Variants in RAB38 observed in about 807,000 individuals in gnomAD.
The protein encoded by RAB38 is RAB38, member RAS oncogene family.
A neutral mutation model predicts 18.4 loss-of-function variants in RAB38; 15 were observed. The observed-to-expected ratio is 0.82, with a 90% CI of 0.55 to 1.26. The LOEUF (loss-of-function observed/expected upper bound fraction) is 1.26. Among genes scored for constraint, RAB38 ranks in the 50% most tolerant of loss-of-function variants. RAB38 has a pLI of 0.00. For synonymous variants in RAB38, 101 were observed against 104.4 expected, an observed-to-expected ratio of 0.97 and a Z score of 0.20; for missense variants, 294 against 267.4, an observed-to-expected ratio of 1.10 and a Z score of -0.69.
the RAB38 span, among the ~76,000 whole-genome samples, chr11:87,826,137 A>G: frequency 0.97 from 146,888 of 152,098 alleles, 70,944 homozygotes; most frequent in East Asian, 1. Context: ...TTAGAAATAT[A>G]AAGGTATATA....
the RAB38 span, among the ~76,000 whole-genome samples, chr11:88,096,931 T>C: frequency 6.7e-6 from 1 of 148,934 alleles, no homozygotes; most frequent in East Asian, 1.9e-4. Context: ...TTCATATCTG[T>C]TTTATTTTGT....
At chr11:87,891,884 CT>C in the RAB38 span, among the ~76,000 whole-genome samples, 1 of 151,752 alleles carries the variant, frequency 6.6e-6, no homozygotes. Flanking sequence ...TTTAGTTTCT[CT>C]TTTGTTTTTT....
intron 2 of RAB38, among the ~76,000 whole-genome samples, chr11:88,146,662 G>A (rs1942990491): frequency 6.6e-6 from 1 of 152,188 alleles, no homozygotes; most frequent in Non-Finnish European, 1.5e-5. Context: ...TGACACTCCA[G>A]TTTGTCAGTG....
At chr11:87,838,176 A>G in the RAB38 span, among the ~76,000 whole-genome samples, 1 of 151,328 alleles carries the variant, frequency 6.6e-6, no homozygotes, top group Non-Finnish European at 1.5e-5. Context: ...GTGCAGTGGC[A>G]TGATCTCGGC....
At chr11:88,019,956 T>G in the RAB38 span, among the ~76,000 whole-genome samples, 4 of 152,168 alleles carry the variant, frequency 2.6e-5, no homozygotes, top group African/African-American at 9.7e-5. Context: ...TTCTCTCTAA[T>G]TCAGCACTGT....
At chr11:88,049,039 C>A in the RAB38 span, among the ~76,000 whole-genome samples, 1 of 152,108 alleles carries the variant, frequency 6.6e-6, no homozygotes, top group African/African-American at 2.4e-5. Flanking sequence ...CAATATCACC[C>A]CTTACCACAA....
At chr11:88,021,747 A>G in the RAB38 span, among the ~76,000 whole-genome samples, 1 of 148,926 alleles carries the variant, frequency 6.7e-6, no homozygotes, top group Non-Finnish European at 1.5e-5. Context: ...ACGCTCAACT[A>G]ATTTTTGTAT....
the RAB38 span, among the ~76,000 whole-genome samples, chr11:88,044,532 C>G: frequency 1.3e-5 from 2 of 152,096 alleles, no homozygotes; most frequent in African/African-American, 4.8e-5. Context: ...GCTGCTTGAC[C>G]CCAATACAAA....
the RAB38 span, among the ~76,000 whole-genome samples, chr11:87,864,304 T>C: frequency 6.6e-6 from 1 of 150,394 alleles, no homozygotes; most frequent in Non-Finnish European, 1.5e-5. Flanking sequence ...TACTATGCTG[T>C]ACTATATTAT....
chr11:88,166,839 A>C (rs1943251204), intron 1 of RAB38: 1 of 152,170 alleles, frequency 6.6e-6, no homozygotes, highest in Non-Finnish European at 1.5e-5. Context: ...ATTAATGTTT[A>C]TAAAGTTGTG....
chr11:87,899,101 G>A, the RAB38 span, among the ~76,000 whole-genome samples: 1 of 151,610 alleles, frequency 6.6e-6, no homozygotes, highest in African/African-American at 2.4e-5. Flanking sequence ...AGTGGAATGG[G>A]CTGCCTAAGG....
the RAB38 span, among the ~76,000 whole-genome samples, chr11:87,935,060 C>G: frequency 1.8e-4 from 27 of 152,038 alleles, no homozygotes; most frequent in Non-Finnish European, 3.5e-4. Context: ...GCGGGTCTCT[C>G]CTCCCTTCTT....
chr11:87,967,429 TA>T, the RAB38 span, among the ~76,000 whole-genome samples: 2 of 152,142 alleles, frequency 1.3e-5, no homozygotes, highest in African/African-American at 4.8e-5. Flanking sequence ...TAGGATAATA[TA>T]TTTTTTTAAA....
rs1467440114 is a variant in RAB38 at position 88,113,759 on chromosome 11, G to A, written c.*229C>T. 7.5e-6 allele frequency: 4 copies of A among 534,008 alleles called. No homozygotes were observed. Among genetic ancestry groups the A allele is most frequent in the Non-Finnish European group, 1.3e-5 (4 of 310,510 alleles). The allele number at this position is 534,008 out of a possible 1,614,324, so 33.1% of individuals were successfully genotyped here. ...GATTTTGGTCAGCTACATGACAGAA[G>A]TTTGTAACAGACTAAATATTTTCAA... is the stretch of plus-strand genomic sequence containing the variant. On this transcript the variant is annotated 3_prime_UTR_variant, in exon 3 of 3. Coordinates refer to ENST00000243662, the MANE Select transcript of RAB38 (RefSeq NM_022337.3).
At chr11:88,081,284 C>CT in the RAB38 span, among the ~76,000 whole-genome samples, 8 of 151,880 alleles carry the variant, frequency 5.3e-5, no homozygotes, top group African/African-American at 1.9e-4. Context: ...CAATCCCACT[C>CT]TAAGTATTTA....
chr11:88,164,980 C>A (rs1404186682), intron 1 of RAB38, among the ~76,000 whole-genome samples: 10 of 152,036 alleles, frequency 6.6e-5, no homozygotes, highest in African/African-American at 1.9e-4. Flanking sequence ...GGTTTTCCTG[C>A]CTAAAAGTAG....
chr11:87,898,978 A>G, the RAB38 span, among the ~76,000 whole-genome samples: 9,299 of 151,658 alleles, frequency 0.061, 377 homozygotes, highest in Non-Finnish European at 0.089. Context: ...TAATGCAAAT[A>G]CTCTCAGGAG....
At chr11:88,029,186 T>C in the RAB38 span, among the ~76,000 whole-genome samples, 1 of 150,090 alleles carries the variant, frequency 6.7e-6, no homozygotes. Context: ...TGCTGAGAGA[T>C]TTTGTCACCA....
intron 1 of RAB38, among the ~76,000 whole-genome samples, chr11:88,156,947 G>A (rs2134838259): frequency 6.6e-6 from 1 of 152,232 alleles, no homozygotes; most frequent in Non-Finnish European, 1.5e-5. Flanking sequence ...ATATTTCAAA[G>A]CAAACTAGCT....
Sources: allele counts gnomAD v4.1 joint callset (sites outside exome capture counted in the v4.1 genomes callset), GRCh38; gene constraint gnomAD v4.1.1; transcripts MANE v1.5; gene names NCBI Gene and HGNC (gene_info 2026-07-23, HGNC 2026-07-21).